The following GRID2 variants were observed in gnomAD, a reference collection of about 807,000 sequenced individuals.
GRID2 encodes glutamate ionotropic receptor delta type subunit 2.
GRID2 carries 33 observed loss-of-function variants against 114.8 expected under a neutral mutation model. The observed-to-expected ratio is 0.29, with a 90% CI of 0.22 to 0.38. The LOEUF (loss-of-function observed/expected upper bound fraction) is 0.38. Ranked by LOEUF, GRID2 falls within the 10% of genes least tolerant of loss-of-function variation. The pLI, the probability that GRID2 is intolerant of heterozygous loss-of-function variation, is 1.00. For synonymous variants in GRID2, 505 were observed against 449.9 expected (o/e 1.12, Z -1.55); for missense variants, 1,184 against 1,257.7 (o/e 0.94, Z 0.89).
intron 1 of GRID2, among the ~76,000 whole-genome samples, chr4:92,457,763 G>T (rs1199461409): frequency 2.0e-5 from 3 of 152,036 alleles, no homozygotes; most frequent in Non-Finnish European, 4.4e-5. Flanking sequence ...AGGCACGAAA[G>T]CATCACAAGC....
At chr4:93,208,606 A>T (rs573169292) in intron 5 of GRID2, among the ~76,000 whole-genome samples, 3 of 152,124 alleles carry the variant, frequency 2.0e-5, no homozygotes, top group Non-Finnish European at 2.9e-5. Flanking sequence ...TTACACAGAA[A>T]AGTGAAAATA....
At chr4:93,801,099 A>T (rs1734918915) in intron 1 of GRID2, among the ~76,000 whole-genome samples, 1 of 152,132 alleles carries the variant, frequency 6.6e-6, no homozygotes, top group African/African-American at 2.4e-5. Context: ...TTATTTTTTC[A>T]GTAAGCTTGG....
At chr4:92,755,005 T>C (rs1381116846) in intron 2 of GRID2, among the ~76,000 whole-genome samples, 1 of 152,196 alleles carries the variant, frequency 6.6e-6, no homozygotes, top group Non-Finnish European at 1.5e-5. Flanking sequence ...ACCTGGTGTG[T>C]GCTTCATATT....
intron 2 of GRID2, among the ~76,000 whole-genome samples, chr4:92,773,003 C>T (rs987888959): frequency 6.6e-6 from 1 of 152,150 alleles, no homozygotes; most frequent in Non-Finnish European, 1.5e-5. Flanking sequence ...ATCACCTACT[C>T]ATTAGTTCAG....
At chr4:93,461,712 T>C (rs1478978639) in intron 11 of GRID2, among the ~76,000 whole-genome samples, 1 of 152,160 alleles carries the variant, frequency 6.6e-6, no homozygotes, top group Non-Finnish European at 1.5e-5. Context: ...TCAGTACATC[T>C]GTTTGGCTGG....
At chr4:92,676,166 C>A (rs1171069401) in intron 2 of GRID2, among the ~76,000 whole-genome samples, 6 of 98,780 alleles carry the variant, frequency 6.1e-5, no homozygotes, top group South Asian at 4.3e-4. Flanking sequence ...GCCCCCCCCC[C>A]CCCCTTTTTT....
At chr4:93,692,362 G>A (rs974289823) in intron 14 of GRID2, among the ~76,000 whole-genome samples, 2 of 152,076 alleles carry the variant, frequency 1.3e-5, no homozygotes, top group African/African-American at 4.8e-5. Context: ...ACTGAGGTGG[G>A]GACATGCCTG....
intron 1 of GRID2, among the ~76,000 whole-genome samples, chr4:92,440,345 C>T (rs1317676435): frequency 7.5e-6 from 1 of 133,896 alleles, no homozygotes; most frequent in African/African-American, 2.5e-5. Flanking sequence ...GGAATTATGT[C>T]TGACAGAAGG....
chr4:92,424,282 T>C (rs1336650214), intron 1 of GRID2, among the ~76,000 whole-genome samples: 1 of 152,144 alleles, frequency 6.6e-6, no homozygotes, highest in Non-Finnish European at 1.5e-5. Context: ...CCTGTACTTC[T>C]TTCTCTTCCT....
At chr4:93,700,668 G>A (rs188019972) in intron 14 of GRID2, among the ~76,000 whole-genome samples, 170 of 152,200 alleles carry the variant, frequency 1.1e-3, no homozygotes, top group Non-Finnish European at 1.1e-3. Context: ...TTATCTGAGG[G>A]TTCAGCACAT....
intron 8 of GRID2, among the ~76,000 whole-genome samples, chr4:93,306,635 T>A (rs1242835956): frequency 2.6e-5 from 4 of 152,164 alleles, no homozygotes; most frequent in African/African-American, 9.7e-5. Flanking sequence ...ATTTTAAAAA[T>A]AGCTGTTCCA....
At chr4:92,561,892 A>G (rs1207619932) in intron 1 of GRID2, among the ~76,000 whole-genome samples, 4 of 152,168 alleles carry the variant, frequency 2.6e-5, no homozygotes, top group Non-Finnish European at 5.9e-5. Context: ...TGCATGTCAG[A>G]AGATCACGTG....
intron 2 of GRID2, among the ~76,000 whole-genome samples, chr4:92,703,035 T>C (rs1488896512): frequency 1.3e-5 from 2 of 152,186 alleles, no homozygotes; most frequent in South Asian, 4.1e-4. Flanking sequence ...CTGTTTGAAT[T>C]GCCATGGCTG....
chr4:93,616,625 T>TA (rs35162120), intron 13 of GRID2, among the ~76,000 whole-genome samples: 2 of 145,136 alleles, frequency 1.4e-5, no homozygotes. Context: ...AAAATAAATA[T>TA]AAAAAAAAGT....
intron 1 of GRID2, among the ~76,000 whole-genome samples, chr4:92,384,939 T>C (rs574976970): frequency 4.6e-5 from 7 of 151,142 alleles, no homozygotes; most frequent in African/African-American, 1.7e-4. Context: ...TCAGAAAGGA[T>C]AGATTGCATC....
intron 8 of GRID2, among the ~76,000 whole-genome samples, chr4:93,297,198 G>T (rs1317761659): frequency 6.6e-6 from 1 of 152,136 alleles, no homozygotes; most frequent in African/African-American, 2.4e-5. Context: ...TTACGCATGG[G>T]CTGTCTGACA....
At chr4:93,605,261 A>G (rs1009667711) in intron 13 of GRID2, among the ~76,000 whole-genome samples, 8 of 152,218 alleles carry the variant, frequency 5.3e-5, no homozygotes, top group Middle Eastern at 3.2e-3. Flanking sequence ...TTCCTCAATC[A>G]TATTAGCCAC....
At chr4:92,313,131 T>C (rs1428322130) in intron 1 of GRID2, among the ~76,000 whole-genome samples, 1 of 148,696 alleles carries the variant, frequency 6.7e-6, no homozygotes, top group Non-Finnish European at 1.5e-5. Flanking sequence ...GTATATGAGA[T>C]GGAATACTAC....
intron 2 of GRID2, among the ~76,000 whole-genome samples, chr4:92,591,179 C>G (rs933963895): frequency 3.3e-5 from 5 of 151,968 alleles, no homozygotes; most frequent in African/African-American, 1.2e-4. Context: ...GATTAGTGCC[C>G]TTATAAAACA....
Sources: gnomAD v4.1 joint callset for allele counts (sites outside exome capture counted in the v4.1 genomes callset) on GRCh38, gnomAD v4.1.1 for gene constraint, MANE v1.5 for transcripts, NCBI Gene and HGNC (gene_info 2026-07-23, HGNC 2026-07-21) for gene names.